Variants in NOS1 observed in about 807,000 individuals in gnomAD.
NOS1 encodes NOS type I.
In NOS1, 51 loss-of-function variants were observed where a neutral mutation model predicts 164.5. The ratio of observed to expected loss-of-function variants is 0.31; its 90% CI spans 0.25 to 0.39. NOS1 has a LOEUF of 0.39. Ranked by LOEUF, NOS1 falls within the 10% of genes least tolerant of loss-of-function variation. The pLI, the probability that NOS1 is intolerant of heterozygous loss-of-function variation, is 1.00. For missense variants in NOS1, 1,362 were observed against 1,885.6 expected, an observed-to-expected ratio of 0.72 and a Z score of 5.14; for synonymous variants, 719 against 745.8, an observed-to-expected ratio of 0.96 and a Z score of 0.59.
chr12:117,325,093 ATCTGGGGC>A (rs75659716), intron 2 of NOS1, among the ~76,000 whole-genome samples: 2,189 of 152,272 alleles, frequency 0.014, 20 homozygotes, highest in Middle Eastern at 0.041. Context: ...TGTGTCCTGG[ATCTGGGGC>A]TCTGGGACTG....
intron 10 of NOS1, among the ~76,000 whole-genome samples, chr12:117,269,762 G>A (rs551991766): frequency 5.9e-5 from 9 of 152,208 alleles, no homozygotes; most frequent in African/African-American, 2.2e-4. Context: ...CGCTGCACCC[G>A]GCCTCTGGAG....
rs925761258 is a variant in NOS1 at position 117,243,006 on chromosome 12, G to A, written c.2962+291C>T. On this transcript the variant is annotated intron_variant, in intron 19 of 28. Transcript: ENST00000317775. The surrounding 1 kb of genome is among the most constrained non-coding windows in gnomAD (Gnocchi z 4.3). ...AGATGAGGCAGGCATTGGTTGGGAT[G>A]GGTGGGGTGGTTGTGGGTAGTGCAG... is the stretch of plus-strand genomic sequence containing the variant. 2.0e-5 allele frequency among the ~76,000 whole-genome samples: 3 copies of A among 152,232 alleles called. No homozygotes were observed. The highest frequency in any genetic ancestry group is 4.4e-5 in the Non-Finnish European group (3 of 68,042).
intron 2 of NOS1, among the ~76,000 whole-genome samples, chr12:117,321,727 A>T (rs1372181829): frequency 6.6e-6 from 1 of 152,186 alleles, no homozygotes; most frequent in Non-Finnish European, 1.5e-5. Context: ...TCTGAGATAC[A>T]TCAAGTGTGG....
rs138436869 is a variant in NOS1, at chr12:117,332,173, T to C, written c.-420-684A>G. Among the ~76,000 whole-genome samples, 528 of 152,304 alleles carry C rather than the reference T, an allele frequency of 3.5e-3. 2 individuals are homozygous for C. The highest frequency in any genetic ancestry group is 0.012 in the African/African-American group (502 of 41,570). ...ATGGAGAAGGGGAAACATAGGAACA[T>C]TGTAGGCACTCAATGAACATTCGTT... On this transcript the variant is annotated intron_variant, in intron 1 of 28. Coordinates refer to ENST00000317775, the MANE Select transcript of NOS1 (RefSeq NM_000620.5).
At chr12:117,223,561 TTTTA>T (rs1238244556) in intron 25 of NOS1, among the ~76,000 whole-genome samples, 2 of 150,784 alleles carry the variant, frequency 1.3e-5, no homozygotes, top group African/African-American at 4.9e-5. Flanking sequence ...TGCCTGGCCT[TTTTA>T]TTTATTTATT....
At chr12:117,315,041 C>CA (rs1441530082) in intron 2 of NOS1, among the ~76,000 whole-genome samples, 1 of 152,168 alleles carries the variant, frequency 6.6e-6, no homozygotes, top group African/African-American at 2.4e-5. Context: ...TGGAAATGAT[C>CA]ACATGGTTCA....
At chr12:117,265,550 A>T in intron 11 of NOS1, 40 bp from the exon 12 acceptor site, 1 of 1,403,778 alleles carries the variant, frequency 7.1e-7, no homozygotes, top group Non-Finnish European at 9.4e-7. Context: ...AGGTATGAGA[A>T]GCTGGGGTAT....
intron 16 of NOS1, 37 bp downstream of exon 16, chr12:117,258,360 G>T (rs777049228): frequency 4.4e-6 from 7 of 1,607,276 alleles, no homozygotes; most frequent in Admixed American, 3.3e-5. Flanking sequence ...GTTACCCTCG[G>T]GGGTGGCGGG....
Position 117,246,050 on chromosome 12 carries a change from A to G in NOS1, c.2823+1298T>C. On this transcript the variant is annotated intron_variant, in intron 18 of 28. Transcript: ENST00000317775. ...CTCAACATGGCTTTTATCATTCCTG[A>G]TATTAGCACATGTTCTATTTTTACA... 1.3e-5 allele frequency: 2 copies of G among 155,810 alleles called. 1 individual carries two copies. Among genetic ancestry groups the G allele is most frequent in the South Asian group, 4.1e-4 (2 of 4,820 alleles). 9.7% of individuals were successfully genotyped at this position (155,810 alleles called of 1,614,324 possible). A position where few individuals can be genotyped will look rare whatever the true frequency, so the allele number is the denominator to read the frequency against.
chr12:117,345,030 GCTTT>G (rs77429072), intron 1 of NOS1, among the ~76,000 whole-genome samples: 4 of 82,094 alleles, frequency 4.9e-5, no homozygotes, highest in African/African-American at 2.1e-4. Context: ...TTGCTTTCTT[GCTTT>G]TTTTTTTTTT....
intron 13 of NOS1, among the ~76,000 whole-genome samples, chr12:117,262,202 A>G (rs1871959728): frequency 6.6e-6 from 1 of 152,224 alleles, no homozygotes; most frequent in Non-Finnish European, 1.5e-5. Flanking sequence ...AGATGCATCT[A>G]TAATTAATTC....
At chr12:117,353,071 T>G in intron 1 of NOS1, among the ~76,000 whole-genome samples, 1 of 151,972 alleles carries the variant, frequency 6.6e-6, no homozygotes, top group East Asian at 1.9e-4. Flanking sequence ...TACCTACCTA[T>G]CTACCTACTT....
At position 117,211,402 on chromosome 12, in the gene NOS1, A is replaced by G. The variant is rs1956526071; in HGVS notation, c.*3907T>C. On this transcript the variant is annotated 3_prime_UTR_variant, in exon 29 of 29. Transcript: ENST00000317775. ...CTTGGTTGCAGCAATAACCCCCCCA[A>G]CAGCTCAACGGGCCATGCTCTGTAC... is the stretch of plus-strand genomic sequence containing the variant. The G allele has an allele frequency of 1.0e-6, 1 of 985,154 alleles. No individual in the cohort carries two copies. Among genetic ancestry groups the G allele is most frequent in the Non-Finnish European group, 1.2e-6 (1 of 829,990 alleles). The allele number at this position is 985,154 out of a possible 1,614,324, so 61.0% of individuals were successfully genotyped here.
Position 117,234,672 on chromosome 12 carries a change from C to G in NOS1, c.3128G>C (p.Gly1043Ala). ...GGCATTCACGAGGTCCTCGTGGTTGCCAGGGAAGACACCCAGGTGGTCCCC... is the reference window on the plus strand; with the variant it reads ...GGCATTCACGAGGTCCTCGTGGTTGGCAGGGAAGACACCCAGGTGGTCCCC... The part of the protein sequence containing the change: ...QPGDHLGVFP[G>A]NHEDLVNALI... The change falls in exon 21 of 29, where the codon GGC becomes GCC. Residue 1043 changes from glycine to alanine, a missense_variant. By Grantham distance (60) the Gly-to-Ala change is moderately conservative. This residue lies in a region of NOS1 where 737 missense variants were observed against 1,030.3 expected (regional missense o/e 0.72). Transcript: ENST00000317775. This position sits in a 1 kb window ranked among gnomAD's most constrained non-coding sequence, Gnocchi z 4.3. 6.2e-7 allele frequency: 1 copy of G among 1,614,186 alleles called. No homozygotes were observed. Among genetic ancestry groups the G allele is most frequent in the South Asian group, 1.1e-5 (1 of 91,074 alleles).
Position 117,246,761 on chromosome 12 carries a change from G to A in NOS1, c.2823+587C>T, listed in dbSNP as rs191776755. Among the ~76,000 whole-genome samples, 59 of 152,238 alleles carry A rather than the reference G, an allele frequency of 3.9e-4. No homozygotes were observed. In the East Asian group the frequency reaches 5.2e-3, roughly 13 times the overall value. ...TTTTGTGACTGGCTTCTTCCACTTA[G>A]TGTAAAGTTTTCAAGGTCCATCCAT... On this transcript the variant is annotated intron_variant, in intron 18 of 28. Coordinates refer to ENST00000317775, the MANE Select transcript of NOS1 (RefSeq NM_000620.5).
chr12:117,244,374 G>C (rs977525170), intron 18 of NOS1, among the ~76,000 whole-genome samples: 2 of 151,988 alleles, frequency 1.3e-5, no homozygotes, highest in African/African-American at 4.8e-5. Flanking sequence ...CAGCCTCCCA[G>C]GTAGCTGGGA....
In NOS1 at chr12:117,214,838, C is replaced by T; in HGVS notation, c.*471G>A. ...ACGGACAGAGACCTGGCCCATCACA[C>T]ACACACACACACACACACACACACA... On this transcript the variant is annotated 3_prime_UTR_variant, in exon 29 of 29. Coordinates refer to ENST00000317775, the MANE Select transcript of NOS1 (RefSeq NM_000620.5). The T allele has an allele frequency of 1.3e-6, 1 of 780,310 alleles. No homozygotes were observed. Among genetic ancestry groups the T allele is most frequent in the Non-Finnish European group, 1.6e-6 (1 of 642,410 alleles). The allele number at this position is 780,310 out of a possible 1,614,324, so 48.3% of individuals were successfully genotyped here.
chr12:117,256,323 A>G (rs1592956594), intron 16 of NOS1, among the ~76,000 whole-genome samples: 2 of 128,534 alleles, frequency 1.6e-5, no homozygotes, highest in South Asian at 2.4e-4. Context: ...CTGTCACCCA[A>G]CCTGGAGTGC....
chr12:117,211,648 T>G lies in NOS1; in HGVS notation c.*3661A>C. 1.0e-6 allele frequency: 1 copy of G among 985,518 alleles called. No individual in the cohort carries two copies. Among genetic ancestry groups the G allele is most frequent in the Non-Finnish European group, 1.2e-6 (1 of 830,004 alleles). The allele number at this position is 985,518 out of a possible 1,614,324, so 61.0% of individuals were successfully genotyped here. ...TCTTACATGCTCCCTGTCCGTGCCT[T>G]TCCTCTCACTCTTCCCAATTCCTGG... is the stretch of plus-strand genomic sequence containing the variant. On this transcript the variant is annotated 3_prime_UTR_variant, in exon 29 of 29. Coordinates refer to ENST00000317775, the MANE Select transcript of NOS1 (RefSeq NM_000620.5).
Sources: gnomAD v4.1 joint callset for allele counts (sites outside exome capture counted in the v4.1 genomes callset) on GRCh38, gnomAD v4.1.1 for gene constraint, gnomAD v4.1.1 regional missense constraint, Gnocchi (gnomAD v3.1) non-coding constraint, MANE v1.5 for transcripts, NCBI Gene and HGNC (gene_info 2026-07-23, HGNC 2026-07-21) for gene names.